Variants in TSNARE1 observed in about 807,000 individuals in gnomAD.
TSNARE1 encodes t-SNARE domain containing 1.
In TSNARE1, 49 loss-of-function variants were observed where a neutral mutation model predicts 62.0. The observed-to-expected ratio is 0.79, with a 90% confidence interval of 0.63 to 1.00. The LOEUF is 1.00. Among genes scored for constraint, TSNARE1 ranks in the 50% least tolerant of loss-of-function variants. The pLI, the probability that TSNARE1 is intolerant of heterozygous loss-of-function variation, is 0.00. For synonymous variants in TSNARE1, 328 were observed against 294.4 expected (o/e 1.11, Z -1.17); for missense variants, 755 against 700.1 (o/e 1.08, Z -0.88).
intron 13 of TSNARE1, among the ~76,000 whole-genome samples, chr8:142,223,113 T>TTCATTCACTCATTCAC (rs1816524822): frequency 2.8e-5 from 1 of 35,974 alleles, no homozygotes; most frequent in African/African-American, 1.5e-4. Flanking sequence ...CACTCACTCG[T>TTCATTCACTCATTCAC]TCACTCATTC....
intron 6 of TSNARE1, among the ~76,000 whole-genome samples, chr8:142,322,031 T>C (rs746302190): frequency 1.3e-5 from 2 of 152,134 alleles, no homozygotes; most frequent in Non-Finnish European, 1.5e-5. Context: ...CAACAATATA[T>C]GAAAGAGATA....
chr8:142,373,455 A>C (rs1345318854), intron 1 of TSNARE1, among the ~76,000 whole-genome samples: 2 of 152,070 alleles, frequency 1.3e-5, no homozygotes, highest in Non-Finnish European at 2.9e-5. Context: ...CCAATACCCC[A>C]CCTGGCCCAA....
rs1196330287 is a variant in TSNARE1, at chr8:142,212,100, A to C, written c.*225T>G. 1 of 152,360 alleles carries C rather than the reference A, an allele frequency of 6.6e-6. No homozygotes were observed. The highest frequency in any genetic ancestry group is 6.5e-5 in the Admixed American group (1 of 15,284). The allele number at this position is 152,360 out of a possible 1,614,324, so 9.4% of individuals were successfully genotyped here. A position where few individuals can be genotyped will look rare whatever the true frequency, so the allele number is the denominator to read the frequency against. ...GTGGCTGGATAAGCCACAGCGGTTTATTCGGGTGCTCAGCTGGGGCCGACA... is the reference window on the plus strand; with the variant it reads ...GTGGCTGGATAAGCCACAGCGGTTTCTTCGGGTGCTCAGCTGGGGCCGACA... On this transcript the variant is annotated 3_prime_UTR_variant, in exon 14 of 14. Transcript: ENST00000524325.
At chr8:142,394,318 C>T (rs996740951) in intron 1 of TSNARE1, among the ~76,000 whole-genome samples, 6 of 152,212 alleles carry the variant, frequency 3.9e-5, no homozygotes, top group South Asian at 2.1e-4. Flanking sequence ...AGCAGCAGGG[C>T]GGGTGGACCG....
chr8:142,401,592 C>T (rs1419873282), intron 1 of TSNARE1, among the ~76,000 whole-genome samples: 1 of 152,098 alleles, frequency 6.6e-6, no homozygotes, highest in Non-Finnish European at 1.5e-5. Flanking sequence ...GCTCTTGACC[C>T]AGCATCTACA....
At chr8:142,392,457 T>G (rs992073904) in intron 1 of TSNARE1, among the ~76,000 whole-genome samples, 2 of 152,228 alleles carry the variant, frequency 1.3e-5, no homozygotes, top group African/African-American at 4.8e-5. Flanking sequence ...ACGGGCAGTG[T>G]AGCAGGTCTG....
In TSNARE1 at chr8:142,326,476, G is replaced by A. The variant is rs13254218; in HGVS notation, c.893+4425C>T. Among the ~76,000 whole-genome samples the A allele has an allele frequency of 1.4e-3, 50 of 36,376 alleles. 9 individuals carry two copies. Among genetic ancestry groups the A allele is most frequent in the East Asian group, 3.0e-3 (2 of 656 alleles). 23.9% of individuals were successfully genotyped at this position (36,376 alleles called of 152,430 possible). A position where few individuals can be genotyped will look rare whatever the true frequency, so the allele number is the denominator to read the frequency against. ...ACCAGCGAAGGGGAGGGCCCCGGAGGGCATGAGACAGATGAGGAACCAGCA... is the reference window on the plus strand; with the variant it reads ...ACCAGCGAAGGGGAGGGCCCCGGAGAGCATGAGACAGATGAGGAACCAGCA... On this transcript the variant is annotated intron_variant, in intron 6 of 13. Transcript: ENST00000524325.
intron 2 of TSNARE1, among the ~76,000 whole-genome samples, chr8:142,353,132 T>C (rs1834325868): frequency 6.6e-6 from 1 of 151,914 alleles, no homozygotes; most frequent in African/African-American, 2.4e-5. Context: ...CCCTCTACTC[T>C]CCACTAAGCA....
intron 13 of TSNARE1, among the ~76,000 whole-genome samples, chr8:142,214,124 G>A (rs1024690463): frequency 6.6e-6 from 1 of 152,206 alleles, no homozygotes; most frequent in African/African-American, 2.4e-5. Flanking sequence ...GGGACTGGCC[G>A]ACTCTGACAT....
chr8:142,382,126 C>A (rs768850854), intron 1 of TSNARE1, among the ~76,000 whole-genome samples: 4 of 152,198 alleles, frequency 2.6e-5, no homozygotes, highest in African/African-American at 7.2e-5. Context: ...GCATGGGCAT[C>A]CGAGTGGCAT....
At chr8:142,229,292 AGATG>A (rs1043845353) in intron 13 of TSNARE1, among the ~76,000 whole-genome samples, 177 bp downstream of exon 13, 2 of 148,794 alleles carry the variant, frequency 1.3e-5, no homozygotes, top group South Asian at 2.2e-4. Context: ...GCAGATGGAT[AGATG>A]GATGGATGGA....
intron 11 of TSNARE1, among the ~76,000 whole-genome samples, chr8:142,281,836 C>T (rs1821530806): frequency 6.6e-6 from 1 of 151,956 alleles, no homozygotes; most frequent in Admixed American, 6.5e-5. Flanking sequence ...GGTGAGGTTT[C>T]CTGAACGGAG....
intron 2 of TSNARE1, among the ~76,000 whole-genome samples, chr8:142,350,069 C>CCAGGGCAGGCAGGGCAGGCAGGGCAGG (rs71313219): frequency 1.3e-5 from 1 of 77,468 alleles, no homozygotes; most frequent in Admixed American, 1.3e-4. Context: ...AGGGCTGGGA[C>CCAGGGCAGGCAGGGCAGGCAGGGCAGG]CAGGGCAGGC....
At chr8:142,267,632 T>G (rs1819204565) in intron 12 of TSNARE1, among the ~76,000 whole-genome samples, 1 of 152,064 alleles carries the variant, frequency 6.6e-6, no homozygotes, top group Non-Finnish European at 1.5e-5. Context: ...GGACCCGGGC[T>G]CTCTAGCTCT....
intron 5 of TSNARE1, among the ~76,000 whole-genome samples, chr8:142,331,396 G>A (rs1831006566): frequency 6.6e-6 from 1 of 152,188 alleles, no homozygotes; most frequent in Admixed American, 6.5e-5. Flanking sequence ...TCCTCCACTG[G>A]GCTCCATCCA....
chr8:142,318,897 T>C (rs1255377469), intron 6 of TSNARE1, among the ~76,000 whole-genome samples: 1 of 150,516 alleles, frequency 6.6e-6, no homozygotes, highest in Admixed American at 6.6e-5. Flanking sequence ...AGAGCAGCGA[T>C]GATTCCCACA....
chr8:142,394,398 C>A (rs1273657698), intron 1 of TSNARE1, among the ~76,000 whole-genome samples: 1 of 152,164 alleles, frequency 6.6e-6, no homozygotes, highest in African/African-American at 2.4e-5. Context: ...AATCTTTTCT[C>A]CAAACACAAC....
intron 1 of TSNARE1, among the ~76,000 whole-genome samples, chr8:142,375,363 G>A (rs1187814621): frequency 6.6e-6 from 1 of 152,252 alleles, no homozygotes; most frequent in Admixed American, 6.5e-5. Flanking sequence ...GGTAGCAGGT[G>A]AGGAGCGCCA....
intron 1 of TSNARE1, among the ~76,000 whole-genome samples, chr8:142,386,352 CTATAA>C (rs1353227302): frequency 6.6e-6 from 1 of 152,036 alleles, no homozygotes; most frequent in Non-Finnish European, 1.5e-5. Context: ...ACATAAGATA[CTATAA>C]TATCTCATAT....
Sources: allele counts gnomAD v4.1 joint callset (sites outside exome capture counted in the v4.1 genomes callset), GRCh38; gene constraint gnomAD v4.1.1; transcripts MANE v1.5; gene names NCBI Gene and HGNC (gene_info 2026-07-23, HGNC 2026-07-21).